Variants in PLD5 observed in about 807,000 individuals in gnomAD.
PLD5 encodes phospholipase D family member 5.
PLD5 carries 36 observed loss-of-function variants against 61.1 expected under a neutral mutation model. The ratio of observed to expected loss-of-function variants is 0.59; its 90% CI spans 0.45 to 0.78. PLD5 has a LOEUF of 0.78. Among genes scored for constraint, PLD5 ranks in the 30% least tolerant of loss-of-function variants. PLD5 has a pLI of 0.00. For missense variants in PLD5, 515 were observed against 644.4 expected (o/e 0.80, Z 2.17); for synonymous variants, 243 against 242.8 (o/e 1.00, Z -0.01).
At position 242,153,175 on chromosome 1, in the gene PLD5, A is replaced by C. The variant is rs567448941; in HGVS notation, c.736-28510T>G. 9.9e-5 allele frequency among the ~76,000 whole-genome samples: 15 copies of C among 152,108 alleles called. 1 individual carries two copies. The South Asian group carries it at 2.9e-3, about 29-fold the overall frequency. On this transcript the variant is annotated intron_variant, in intron 5 of 9. Transcript: ENST00000536534. ...GTATTCTTTTGAGAAGTGTCTGTTC[A>C]TATCCTTTGTCTACTTTTTGATGGT...
At chr1:242,096,916 C>T (rs778186801) in intron 9 of PLD5, among the ~76,000 whole-genome samples, 18 of 143,924 alleles carry the variant, frequency 1.3e-4, no homozygotes, top group Admixed American at 2.1e-4. Context: ...CTCCCCACAA[C>T]AGCCCCCGGT....
chr1:242,495,879 T>C (rs762548761), intron 1 of PLD5, among the ~76,000 whole-genome samples: 2 of 152,216 alleles, frequency 1.3e-5, no homozygotes, highest in Non-Finnish European at 2.9e-5. Flanking sequence ...TATGTTATTA[T>C]AAAAAGCAGA....
chr1:242,161,701 C>A (rs559356182), intron 5 of PLD5, among the ~76,000 whole-genome samples: 1 of 152,270 alleles, frequency 6.6e-6, no homozygotes, highest in Non-Finnish European at 1.5e-5. Context: ...TTTCACTCTC[C>A]TTTCCTTTGC....
At chr1:242,365,042 T>C (rs1661267881) in intron 1 of PLD5, 1 of 151,610 alleles carries the variant, frequency 6.6e-6, no homozygotes, top group Admixed American at 6.6e-5. Context: ...CAGCAGATCC[T>C]ACACAAAATA....
intron 5 of PLD5, among the ~76,000 whole-genome samples, chr1:242,167,085 TAATAATAATA>T (rs1666369371): frequency 2.5e-5 from 3 of 120,174 alleles, no homozygotes; most frequent in Non-Finnish European, 3.7e-5. Context: ...ATAGTAATAA[TAATAATAATA>T]ATAATAATAA....
chr1:242,497,769 C>T (rs1177213401), intron 1 of PLD5, among the ~76,000 whole-genome samples: 1 of 152,214 alleles, frequency 6.6e-6, no homozygotes, highest in African/African-American at 2.4e-5. Flanking sequence ...TGTGTCTCTT[C>T]ATTCAAGAAT....
chr1:242,297,402 ACTTTTTTTTTT>A (rs1213701525), intron 2 of PLD5, among the ~76,000 whole-genome samples: 1 of 129,520 alleles, frequency 7.7e-6, no homozygotes, highest in African/African-American at 3.0e-5. Flanking sequence ...ACCCTTCAAG[ACTTTTTTTTTT>A]TTTTTTTTTT....
chr1:242,460,577 CCT>C, intron 1 of PLD5, among the ~76,000 whole-genome samples: 1 of 151,982 alleles, frequency 6.6e-6, no homozygotes, highest in African/African-American at 2.4e-5. Context: ...TCATACTCTT[CCT>C]CTCTATCTAC....
intron 5 of PLD5, among the ~76,000 whole-genome samples, chr1:242,124,869 T>C (rs972064759): frequency 1.3e-5 from 2 of 152,256 alleles, no homozygotes; most frequent in Non-Finnish European, 2.9e-5. Context: ...TGGTTTTTTG[T>C]ATTAGGTCTC....
intron 5 of PLD5, among the ~76,000 whole-genome samples, chr1:242,137,446 G>A (rs1663824570): frequency 1.3e-5 from 2 of 152,150 alleles, no homozygotes; most frequent in South Asian, 2.1e-4. Flanking sequence ...ACTAGCTCCA[G>A]ATAGTCGCTA....
chr1:242,166,741 T>C (rs1016358838), intron 5 of PLD5, among the ~76,000 whole-genome samples: 2 of 152,208 alleles, frequency 1.3e-5, no homozygotes, highest in Non-Finnish European at 2.9e-5. Flanking sequence ...ATATGTGATA[T>C]CTCCTACATT....
At chr1:242,205,492 A>G (rs1234138811) in intron 5 of PLD5, among the ~76,000 whole-genome samples, 1 of 152,188 alleles carries the variant, frequency 6.6e-6, no homozygotes, top group Non-Finnish European at 1.5e-5. Flanking sequence ...TTGTTTTAAG[A>G]TGCACATGCA....
intron 1 of PLD5, among the ~76,000 whole-genome samples, chr1:242,479,694 A>AATAGCC (rs2102960244): frequency 6.6e-6 from 1 of 152,292 alleles, no homozygotes; most frequent in African/African-American, 2.4e-5. Flanking sequence ...ATATAAAATG[A>AATAGCC]AAATGACCTA....
intron 1 of PLD5, among the ~76,000 whole-genome samples, chr1:242,395,061 GT>G (rs1663471766): frequency 1.2e-5 from 1 of 84,940 alleles, no homozygotes; most frequent in African/African-American, 3.9e-5. Flanking sequence ...GAATATATAT[GT>G]ATATATATGA....
chr1:242,394,949 T>TTA lies in PLD5; in HGVS notation c.190-46709_190-46708dup, dbSNP rs1491491950. ...GTATACATTATATGAATATATATGA[T>TTA]TATATATGAATATATATGATTATAT... On this transcript the variant is annotated intron_variant, in intron 1 of 9. Transcript: ENST00000536534. Among the ~76,000 whole-genome samples the TTA allele has an allele frequency of 1.2e-4, 8 of 67,186 alleles. 1 individual carries two copies. In the East Asian group the frequency reaches 1.3e-3, roughly 11 times the overall value. 44.1% of individuals were successfully genotyped at this position (67,186 alleles called of 152,430 possible).
intron 1 of PLD5, among the ~76,000 whole-genome samples, chr1:242,361,013 C>T (rs1661036380): frequency 6.6e-6 from 1 of 152,046 alleles, no homozygotes; most frequent in African/African-American, 2.4e-5. Flanking sequence ...AGTGGGCATT[C>T]AATGAATGAA....
intron 9 of PLD5, among the ~76,000 whole-genome samples, chr1:242,096,683 GTT>G (rs76435237): frequency 0.012 from 1,547 of 129,778 alleles, 22 homozygotes; most frequent in African/African-American, 0.041. Context: ...AGTCTTTTTT[GTT>G]TTTTTTTTTT....
intron 1 of PLD5, among the ~76,000 whole-genome samples, chr1:242,398,410 A>T (rs2654890): frequency 2.0e-4 from 31 of 152,148 alleles, no homozygotes; most frequent in African/African-American, 6.0e-4. Context: ...CAGACATCTT[A>T]TTGAAAACAA....
At chr1:242,423,899 T>A (rs1160294641) in intron 1 of PLD5, among the ~76,000 whole-genome samples, 1 of 152,192 alleles carries the variant, frequency 6.6e-6, no homozygotes, top group Non-Finnish European at 1.5e-5. Flanking sequence ...AATGGTTTAT[T>A]TTCATACTGC....
Sources: gnomAD v4.1 joint callset for allele counts (sites outside exome capture counted in the v4.1 genomes callset) on GRCh38, gnomAD v4.1.1 for gene constraint, MANE v1.5 for transcripts, NCBI Gene and HGNC (gene_info 2026-07-23, HGNC 2026-07-21) for gene names.